Variants in SPIN1 observed in about 807,000 individuals in gnomAD.
SPIN1 encodes the protein spindlin 1.
Under a neutral mutation model 26.0 loss-of-function variants are expected in SPIN1, and 3 were observed. The ratio of observed to expected loss-of-function variants is 0.12; its 90% CI spans 0.05 to 0.30. The LOEUF (loss-of-function observed/expected upper bound fraction) is 0.30. Among genes scored for constraint, SPIN1 ranks in the 10% least tolerant of loss-of-function variants. The probability of loss-of-function intolerance (pLI) is 1.00; values close to 1 mark genes in which losing one functional copy is unlikely to be tolerated. For missense variants in SPIN1, 126 were observed against 333.4 expected, an observed-to-expected ratio of 0.38 and a Z score of 4.84; for synonymous variants, 101 against 116.5, an observed-to-expected ratio of 0.87 and a Z score of 0.86.
rs565452639 is a variant in SPIN1 at position 88,453,475 on chromosome 9, AGG to A, written c.101+4487_101+4488del. Among the ~76,000 whole-genome samples the A allele has an allele frequency of 8.9e-4, 135 of 151,986 alleles. 1 individual carries two copies. Among genetic ancestry groups the A allele is most frequent in the African/African-American group, 3.1e-3 (130 of 41,466 alleles). ...GGGAATCTCATTAGAGGATCTTCAG[AGG>A]ATTCACATGCATGCTGAAGTTTGAG... On this transcript the variant is annotated intron_variant, in intron 3 of 5. Transcript: ENST00000375859.
At chr9:88,390,860 T>G (rs1826906343) in intron 1 of SPIN1, among the ~76,000 whole-genome samples, 1 of 152,200 alleles carries the variant, frequency 6.6e-6, no homozygotes, top group Non-Finnish European at 1.5e-5. Context: ...AAAAGTTTTT[T>G]TTTAAAGCTA....
intron 1 of SPIN1, among the ~76,000 whole-genome samples, chr9:88,392,807 T>C (rs929805810): frequency 1.1e-4 from 17 of 152,122 alleles, no homozygotes; most frequent in African/African-American, 3.4e-4. Context: ...CCAGTTGATA[T>C]TGATGATGAT....
intron 1 of SPIN1, among the ~76,000 whole-genome samples, chr9:88,407,971 T>G (rs918452795): frequency 3.3e-5 from 5 of 152,006 alleles, no homozygotes; most frequent in Non-Finnish European, 5.9e-5. Flanking sequence ...TTCGCCATGT[T>G]GTCCAGGCTG....
chr9:88,467,969 TCTA>T (rs1245759309), intron 4 of SPIN1, among the ~76,000 whole-genome samples: 3 of 152,172 alleles, frequency 2.0e-5, no homozygotes, highest in East Asian at 3.8e-4. Flanking sequence ...ATACAGGAAC[TCTA>T]CTATTTTTCC....
chr9:88,391,314 T>G (rs1038663387), intron 1 of SPIN1: 5 of 153,876 alleles, frequency 3.2e-5, no homozygotes, highest in African/African-American at 1.2e-4. Context: ...TTTCTCAACC[T>G]AATACATAAA....
chr9:88,468,248 G>C (rs958223947), intron 4 of SPIN1, 124 bp from the exon 5 acceptor site: 2 of 593,378 alleles, frequency 3.4e-6, no homozygotes, highest in African/African-American at 3.8e-5. Context: ...CCCAGATTCT[G>C]ATGCTTGCTA....
intron 3 of SPIN1, among the ~76,000 whole-genome samples, chr9:88,451,767 G>A (rs928389298): frequency 6.6e-6 from 1 of 152,094 alleles, no homozygotes; most frequent in Non-Finnish European, 1.5e-5. Context: ...CACTGTGTTG[G>A]CCAGGCTGGT....
intron 1 of SPIN1, among the ~76,000 whole-genome samples, chr9:88,390,746 C>T (rs1401061946): frequency 6.6e-6 from 1 of 152,184 alleles, no homozygotes. Context: ...TGGAGTTAGA[C>T]ATGGAATCAC....
intron 1 of SPIN1, among the ~76,000 whole-genome samples, chr9:88,426,162 C>T (rs1263828716): frequency 1.3e-5 from 2 of 152,202 alleles, no homozygotes; most frequent in Non-Finnish European, 2.9e-5. Flanking sequence ...GGGTCTTGCA[C>T]ATGTCCCAGG....
intron 3 of SPIN1, among the ~76,000 whole-genome samples, chr9:88,457,248 CAAAG>C (rs1828490187): frequency 6.6e-6 from 1 of 152,032 alleles, no homozygotes; most frequent in South Asian, 2.1e-4. Context: ...AGTCTAGGAA[CAAAG>C]AAAATTCTAA....
intron 1 of SPIN1, among the ~76,000 whole-genome samples, chr9:88,394,394 T>C (rs1441349622): frequency 5.3e-5 from 8 of 152,220 alleles, no homozygotes; most frequent in South Asian, 2.1e-4. Flanking sequence ...CTGGGTGTTA[T>C]ATGTTCTTAC....
At chr9:88,433,137 T>A (rs1172127557) in intron 2 of SPIN1, among the ~76,000 whole-genome samples, 1 of 151,240 alleles carries the variant, frequency 6.6e-6, no homozygotes, top group Non-Finnish European at 1.5e-5. Flanking sequence ...TGGAGCACAG[T>A]AGCATGATCT....
chr9:88,454,566 A>G (rs1564039314), intron 3 of SPIN1, among the ~76,000 whole-genome samples: 1 of 152,340 alleles, frequency 6.6e-6, no homozygotes, highest in East Asian at 1.9e-4. Context: ...AACTTGTTCA[A>G]TATATAAATA....
chr9:88,426,480 G>A lies in SPIN1; in HGVS notation c.-60G>A. ...AACATTCTGTGAAAAGTTTCAAATT[G>A]GAGAATATTGAATTTTCACCCTAGT... On this transcript the variant is annotated 5_prime_UTR_variant, in exon 2 of 6. Coordinates refer to ENST00000375859, the MANE Select transcript of SPIN1 (RefSeq NM_006717.3). 7.2e-7 allele frequency: 1 copy of A among 1,389,080 alleles called. No homozygotes were observed. Among genetic ancestry groups the A allele is most frequent in the Non-Finnish European group, 1.0e-6 (1 of 985,902 alleles). The allele number at this position is 1,389,080 out of a possible 1,614,324, so 86.0% of individuals were successfully genotyped here.
intron 1 of SPIN1, among the ~76,000 whole-genome samples, chr9:88,418,028 T>C (rs1827600797): frequency 6.6e-6 from 1 of 152,230 alleles, no homozygotes; most frequent in African/African-American, 2.4e-5. Context: ...AGTACTTCCA[T>C]GTGTTCACGA....
chr9:88,412,747 G>A (rs753039364), intron 1 of SPIN1, among the ~76,000 whole-genome samples: 115 of 151,750 alleles, frequency 7.6e-4, no homozygotes, highest in Non-Finnish European at 1.3e-3. Flanking sequence ...CAGATGGCGC[G>A]GTCTCAGCTC....
At chr9:88,475,045 C>CT (rs1828863696) in intron 5 of SPIN1, 33 bp from the exon 6 acceptor site, 1 of 1,262,214 alleles carries the variant, frequency 7.9e-7, no homozygotes, top group South Asian at 1.7e-5. Flanking sequence ...TTCTCTCTCT[C>CT]TCTTTTTTTT....
At chr9:88,457,785 C>T (rs557685258) in intron 3 of SPIN1, 2 of 944,194 alleles carry the variant, frequency 2.1e-6, no homozygotes, top group South Asian at 9.8e-5. Flanking sequence ...AAAGAATTAC[C>T]AGAGGATGTA....
At position 88,477,445 on chromosome 9, in the gene SPIN1, T is replaced by C. The variant is rs909104862; in HGVS notation, c.*2168T>C. The C allele has an allele frequency of 6.6e-6, 1 of 152,222 alleles. No individual in the cohort carries two copies. Among genetic ancestry groups the C allele is most frequent in the East Asian group, 1.9e-4 (1 of 5,196 alleles). 9.4% of individuals were successfully genotyped at this position (152,222 alleles called of 1,614,324 possible). A position where few individuals can be genotyped will look rare whatever the true frequency, so the allele number is the denominator to read the frequency against. On this transcript the variant is annotated 3_prime_UTR_variant, in exon 6 of 6. Coordinates refer to ENST00000375859, the MANE Select transcript of SPIN1 (RefSeq NM_006717.3). ...TTTTTTATACCACATGGTCTCCCAGTTTCTAGATGAATGCAACATGATGAT... is the reference window on the plus strand; with the variant it reads ...TTTTTTATACCACATGGTCTCCCAGCTTCTAGATGAATGCAACATGATGAT...
Sources: allele counts gnomAD v4.1 joint callset (sites outside exome capture counted in the v4.1 genomes callset), GRCh38; gene constraint gnomAD v4.1.1; transcripts MANE v1.5; gene names NCBI Gene and HGNC (gene_info 2026-07-23, HGNC 2026-07-21).